ATF6: variants seen among roughly 807,000 people sequenced by gnomAD.
The protein encoded by ATF6 is cyclic AMP-dependent transcription factor ATF-6 alpha.
In ATF6, 53 loss-of-function variants were observed where a neutral mutation model predicts 83.6. The ratio of observed to expected loss-of-function variants is 0.63; its 90% CI spans 0.51 to 0.80. The LOEUF (loss-of-function observed/expected upper bound fraction) is 0.80. Among genes scored for constraint, ATF6 ranks in the 30% least tolerant of loss-of-function variants. ATF6 has a pLI of 0.00. For synonymous variants in ATF6, 288 were observed against 285.8 expected, an observed-to-expected ratio of 1.01 and a Z score of -0.08; for missense variants, 744 against 797.9, an observed-to-expected ratio of 0.93 and a Z score of 0.81.
At chr1:161,894,607 G>A (rs935185153) in intron 14 of ATF6, among the ~76,000 whole-genome samples, 1 of 123,690 alleles carries the variant, frequency 8.1e-6, no homozygotes, top group Non-Finnish European at 1.6e-5. Flanking sequence ...CGTGATCTTG[G>A]CTCACTGCAT....
chr1:161,941,766 T>C (rs1242157125), intron 15 of ATF6, among the ~76,000 whole-genome samples: 1 of 152,174 alleles, frequency 6.6e-6, no homozygotes, highest in Non-Finnish European at 1.5e-5. Context: ...GAAAAAGGGA[T>C]GAGAAACTTG....
chr1:161,825,142 C>T (rs892789572), intron 9 of ATF6, among the ~76,000 whole-genome samples: 34 of 152,196 alleles, frequency 2.2e-4, no homozygotes, highest in African/African-American at 7.5e-4. Flanking sequence ...GTGGTGTGAT[C>T]GTAGCTCACT....
At position 161,784,090 on chromosome 1, in the gene ATF6, T is replaced by C. The variant is rs780056959; in HGVS notation, c.348T>C (p.His116=). Residue 116 remains histidine, a synonymous_variant, in exon 4 of 16, where the codon CAT becomes CAC. Transcript: ENST00000367942. The part of the protein sequence containing the change: ...RSVDSYSSTQ[H]VPEELDLSSS... ...TGGACTCTTATTCTTCAACTCAGCA[T>C]GTTCCTGTGAGTAGCCAGTCTTTTA... The C allele has an allele frequency of 5.0e-6, 8 of 1,607,916 alleles. No individual in the cohort carries two copies. The East Asian group carries it at 1.6e-4, about 31-fold the overall frequency.
chr1:161,866,796 G>A (rs947186372), intron 14 of ATF6, among the ~76,000 whole-genome samples: 1 of 152,094 alleles, frequency 6.6e-6, no homozygotes, highest in African/African-American at 2.4e-5. Flanking sequence ...TGCCCAGGAT[G>A]GAGTGCAGTG....
Position 161,960,310 on chromosome 1 carries a change from C to G in ATF6, c.*1656C>G, listed in dbSNP as rs1558042417. The G allele has an allele frequency of 6.6e-6, 1 of 152,192 alleles. No homozygotes were observed. The highest frequency in any genetic ancestry group is 1.5e-5 in the Non-Finnish European group (1 of 68,048). 9.4% of individuals were successfully genotyped at this position (152,192 alleles called of 1,614,324 possible). The stretch of plus-strand genomic sequence containing the variant: ...TCATCTACAAATACTGTTTCTTACC[C>G]CAGTTGACTTGCCTTTGTCAGATTT... On this transcript the variant is annotated 3_prime_UTR_variant, in exon 16 of 16. Coordinates refer to ENST00000367942, the MANE Select transcript of ATF6 (RefSeq NM_007348.4).
At chr1:161,791,086 C>G (rs200391137) in intron 4 of ATF6, among the ~76,000 whole-genome samples, 82 of 86,268 alleles carry the variant, frequency 9.5e-4, no homozygotes, top group East Asian at 9.1e-4. Flanking sequence ...GTGTGTGTCT[C>G]TGTGTGTGTG....
intron 3 of ATF6, among the ~76,000 whole-genome samples, chr1:161,782,460 A>G (rs1314639797): frequency 1.3e-5 from 2 of 152,170 alleles, no homozygotes; most frequent in Non-Finnish European, 2.9e-5. Context: ...AGTATACTGA[A>G]AGAAGCCAGA....
chr1:161,869,095 C>T (rs998496668), intron 14 of ATF6, among the ~76,000 whole-genome samples: 3 of 151,736 alleles, frequency 2.0e-5, no homozygotes, highest in Non-Finnish European at 2.9e-5. Flanking sequence ...AAAAGGTTGA[C>T]TAGTGGTGTT....
intron 4 of ATF6, among the ~76,000 whole-genome samples, chr1:161,788,879 G>A (rs887053273): frequency 2.6e-5 from 4 of 151,976 alleles, no homozygotes; most frequent in Non-Finnish European, 5.9e-5. Context: ...TTATGCCTTA[G>A]TTCAGTTGTG....
Position 161,851,774 on chromosome 1 carries a change from C to G in ATF6, c.1372C>G (p.Pro458Ala), listed in dbSNP as rs375118660. The G allele has an allele frequency of 2.0e-5, 32 of 1,613,902 alleles. No individual in the cohort carries two copies. The African/African-American group carries it at 4.0e-4, about 20-fold the overall frequency. Reference sequence around the variant, plus strand: ...AGCCCTGATGGTGCTAACTGAAGAACCATTGCTTTACATTCCTCCACCTCC... The same window carrying G: ...AGCCCTGATGGTGCTAACTGAAGAAGCATTGCTTTACATTCCTCCACCTCC... ...DKALMVLTEEPLLYIPPPPCQ... is the reference protein window; with the variant it reads ...DKALMVLTEEALLYIPPPPCQ... Residue 458 changes from proline to alanine, a missense_variant, in exon 11 of 16, where the codon CCA becomes GCA. Transcript: ENST00000367942.
At chr1:161,877,597 A>G (rs1687241320) in intron 14 of ATF6, among the ~76,000 whole-genome samples, 1 of 152,116 alleles carries the variant, frequency 6.6e-6, no homozygotes, top group Admixed American at 6.6e-5. Flanking sequence ...AAGCCTTATG[A>G]GCTATAGTAA....
chr1:161,898,181 T>C (rs922669080), intron 14 of ATF6, among the ~76,000 whole-genome samples: 3 of 152,204 alleles, frequency 2.0e-5, no homozygotes, highest in African/African-American at 7.2e-5. Flanking sequence ...GTCTTGGAAC[T>C]TAGAATGCTT....
At chr1:161,909,123 A>C (rs540394510) in intron 14 of ATF6, among the ~76,000 whole-genome samples, 48 of 152,334 alleles carry the variant, frequency 3.2e-4, no homozygotes, top group African/African-American at 1.2e-3. Context: ...GATAAATTAT[A>C]AGTTTATTTC....
At chr1:161,783,066 G>T (rs1684672835) in intron 3 of ATF6, among the ~76,000 whole-genome samples, 2 of 152,150 alleles carry the variant, frequency 1.3e-5, no homozygotes, top group South Asian at 4.2e-4. Flanking sequence ...ACTACTAAAT[G>T]GAGTGCCTGC....
chr1:161,865,808 TA>T lies in ATF6; in HGVS notation c.1719+2497del, dbSNP rs372351477. Among the ~76,000 whole-genome samples, 20 of 152,338 alleles carry T rather than the reference TA, an allele frequency of 1.3e-4. No homozygotes were observed. In the South Asian group the frequency reaches 3.3e-3, roughly 25 times the overall value. On this transcript the variant is annotated intron_variant, in intron 14 of 15. Coordinates refer to ENST00000367942, the MANE Select transcript of ATF6 (RefSeq NM_007348.4). ...ATAGTAATTAAGATAACATCCTTTT[TA>T]TTTTTTTTGTTTTGTTTCAATAGTA...
At position 161,804,737 on chromosome 1, in the gene ATF6, A is replaced by G. The variant is rs187797157; in HGVS notation, c.909+2465A>G. ...AATAATGAGCATCTTAATGTTGACA[A>G]TCATCACTGTATGCCATTGACCCAT... On this transcript the variant is annotated intron_variant, in intron 7 of 15. Coordinates refer to ENST00000367942, the MANE Select transcript of ATF6 (RefSeq NM_007348.4). Among the ~76,000 whole-genome samples the G allele has an allele frequency of 2.6e-5, 4 of 152,014 alleles. No homozygotes were observed. The East Asian group carries it at 7.7e-4, about 29-fold the overall frequency.
chr1:161,942,232 A>G (rs1336574095), intron 15 of ATF6, among the ~76,000 whole-genome samples: 2 of 152,206 alleles, frequency 1.3e-5, no homozygotes, highest in South Asian at 2.1e-4. Context: ...AACAGCAATC[A>G]TTGTTAACCC....
chr1:161,933,993 A>C (rs968121513), intron 15 of ATF6, among the ~76,000 whole-genome samples: 1 of 152,234 alleles, frequency 6.6e-6, no homozygotes, highest in Non-Finnish European at 1.5e-5. Context: ...AGGGACCATC[A>C]AAAAGCAAGA....
intron 15 of ATF6, among the ~76,000 whole-genome samples, chr1:161,913,615 GAGA>G (rs1688034330): frequency 6.6e-6 from 1 of 152,136 alleles, no homozygotes; most frequent in South Asian, 2.1e-4. Flanking sequence ...CAGTAACATT[GAGA>G]AGAACATCTC....
Sources: gnomAD v4.1 joint callset for allele counts (sites outside exome capture counted in the v4.1 genomes callset) on GRCh38, gnomAD v4.1.1 for gene constraint, MANE v1.5 for transcripts, NCBI Gene and HGNC (gene_info 2026-07-23, HGNC 2026-07-21) for gene names.